Variants in SKA3 observed in about 807,000 individuals in gnomAD.
The protein encoded by SKA3 is spindle and kinetochore associated complex subunit 3.
A neutral mutation model predicts 44.2 loss-of-function variants in SKA3; 39 were observed. The observed-to-expected ratio is 0.88, with a 90% CI of 0.68 to 1.15. The LOEUF (loss-of-function observed/expected upper bound fraction) is 1.15. SKA3 is among the 50% of genes most tolerant of loss of function. The pLI is 0.00. For synonymous variants in SKA3, 192 were observed against 172.0 expected, an observed-to-expected ratio of 1.12 and a Z score of -0.91; for missense variants, 511 against 485.8, an observed-to-expected ratio of 1.05 and a Z score of -0.49.
At position 21,168,404 on chromosome 13, in the gene SKA3, G is replaced by C. The variant is rs757480096; in HGVS notation, c.332-5C>G. 1 of 1,177,942 alleles carries C rather than the reference G, an allele frequency of 8.5e-7. No individual in the cohort carries two copies. 73.0% of individuals were successfully genotyped at this position (1,177,942 alleles called of 1,614,324 possible). ...TAATGGCTTCTTGCTCGTGTACTAG[G>C]AGGAAAAATCAGAATATTCTGGTCA... On this transcript the variant is annotated splice_polypyrimidine_tract_variant and splice_region_variant and intron_variant, in intron 3 of 8. Transcript: ENST00000314759.
intron 7 of SKA3, 98 bp downstream of exon 7, chr13:21,157,824 G>A: frequency 1.4e-6 from 1 of 698,414 alleles, no homozygotes; most frequent in South Asian, 2.7e-5. Flanking sequence ...CTAGCCCAAT[G>A]ATAAATAAGA....
rs1377243938 is a variant in SKA3, at chr13:21,156,220, T to C, written c.1120-409A>G. ...AAAAAAAAAGACATGCTAACTGCAA[T>C]GAAAAGATGGAGATATTAGAAATTT... On this transcript the variant is annotated intron_variant, in intron 7 of 8. Transcript: ENST00000314759. 2.1e-5 allele frequency among the ~76,000 whole-genome samples: 3 copies of C among 146,034 alleles called. No homozygotes were observed. In the East Asian group the frequency reaches 6.0e-4, roughly 29 times the overall value.
chr13:21,163,173 A>C (rs1182861369), intron 4 of SKA3, among the ~76,000 whole-genome samples: 1 of 151,480 alleles, frequency 6.6e-6, no homozygotes, highest in African/African-American at 2.4e-5. Context: ...AAAGAACCAA[A>C]ATATGACAGT....
chr13:21,154,844 ATTACTT>A lies in SKA3; in HGVS notation c.*300_*305del. 4.0e-6 allele frequency: 2 copies of A among 500,982 alleles called. No homozygotes were observed. Among genetic ancestry groups the A allele is most frequent in the Middle Eastern group, 5.3e-4 (1 of 1,898 alleles). The allele number at this position is 500,982 out of a possible 1,614,324, so 31.0% of individuals were successfully genotyped here. A position where few individuals can be genotyped will look rare whatever the true frequency, so the allele number is the denominator to read the frequency against. On this transcript the variant is annotated 3_prime_UTR_variant, in exon 9 of 9. Coordinates refer to ENST00000314759, the MANE Select transcript of SKA3 (RefSeq NM_145061.6). Reference sequence around the variant, plus strand: ...TAGCAAACACCTTTATATTTTTGAAATTACTTGTCCTACTTCCTGGTACTACTTAAA... The same window carrying A: ...TAGCAAACACCTTTATATTTTTGAAAGTCCTACTTCCTGGTACTACTTAAA...
chr13:21,165,790 C>T (rs936816082), intron 4 of SKA3, among the ~76,000 whole-genome samples: 1 of 151,936 alleles, frequency 6.6e-6, no homozygotes, highest in Non-Finnish European at 1.5e-5. Flanking sequence ...GAAAAATTAG[C>T]CAGGCGTGGT....
At position 21,155,824 on chromosome 13, in the gene SKA3, AAG is replaced by A. The variant is rs1555233624; in HGVS notation, c.1120-15_1120-14del. 9.7e-7 allele frequency: 1 copy of A among 1,033,698 alleles called. No homozygotes were observed. Among genetic ancestry groups the A allele is most frequent in the South Asian group, 1.9e-5 (1 of 52,882 alleles). The allele number at this position is 1,033,698 out of a possible 1,614,324, so 64.0% of individuals were successfully genotyped here. ...ATTTTGATAAAAGCTAAAAAAAAAA[AAG>A]GAAATTCCTTTTTATCGAGCCATAT... On this transcript the variant is annotated splice_polypyrimidine_tract_variant and intron_variant, in intron 7 of 8. Transcript: ENST00000314759.
rs1871546554 is a variant in SKA3, at chr13:21,176,518, C to A, written c.-41G>T. 1 of 1,393,378 alleles carries A rather than the reference C, an allele frequency of 7.2e-7. No homozygotes were observed. The highest frequency in any genetic ancestry group is 2.7e-5 in the East Asian group (1 of 36,478). 86.3% of individuals were successfully genotyped at this position (1,393,378 alleles called of 1,614,324 possible). A position where few individuals can be genotyped will look rare whatever the true frequency, so the allele number is the denominator to read the frequency against. On this transcript the variant is annotated 5_prime_UTR_variant, in exon 1 of 9. Transcript: ENST00000314759. ...GAAGGACTCCAGGCGTACGCAGACC[C>A]CACCGCTCAGCTCACAGCCTCCCGC...
intron 6 of SKA3, among the ~76,000 whole-genome samples, chr13:21,159,436 A>G (rs1195753520): frequency 6.6e-6 from 1 of 152,128 alleles, no homozygotes; most frequent in African/African-American, 2.4e-5. Flanking sequence ...GTGTATATAT[A>G]TGTGTGTGTG....
chr13:21,154,027 T>TAATAGAGCACAATGGACAGGTC lies in SKA3; in HGVS notation c.*1101_*1122dup, dbSNP rs1869952331. Reference sequence around the variant, plus strand: ...TTTGGTGACAGTTTTCTGACAAGATTAATAGAGCACAATGGACAGGTCCCC... The same window carrying TAATAGAGCACAATGGACAGGTC: ...TTTGGTGACAGTTTTCTGACAAGATTAATAGAGCACAATGGACAGGTCAATAGAGCACAATGGACAGGTCCCC... On this transcript the variant is annotated 3_prime_UTR_variant, in exon 9 of 9. Coordinates refer to ENST00000314759, the MANE Select transcript of SKA3 (RefSeq NM_145061.6). 1 of 152,230 alleles carries TAATAGAGCACAATGGACAGGTC rather than the reference T, an allele frequency of 6.6e-6. No individual in the cohort carries two copies. Among genetic ancestry groups the TAATAGAGCACAATGGACAGGTC allele is most frequent in the African/African-American group, 2.4e-5 (1 of 41,452 alleles). 9.4% of individuals were successfully genotyped at this position (152,230 alleles called of 1,614,324 possible). A position where few individuals can be genotyped will look rare whatever the true frequency, so the allele number is the denominator to read the frequency against.
At chr13:21,164,786 C>T (rs1262878700) in intron 4 of SKA3, among the ~76,000 whole-genome samples, 2 of 151,876 alleles carry the variant, frequency 1.3e-5, no homozygotes, top group African/African-American at 2.4e-5. Flanking sequence ...AGCTATGTTG[C>T]GCAGGCTGGT....
At position 21,161,844 on chromosome 13, in the gene SKA3, T is replaced by G. The variant is rs1324460093; in HGVS notation, c.775A>C (p.Asn259His). The G allele has an allele frequency of 1.9e-6, 3 of 1,612,794 alleles. No homozygotes were observed. The highest frequency in any genetic ancestry group is 2.5e-6 in the Non-Finnish European group (3 of 1,179,202). The change falls in exon 5 of 9, where the codon AAT becomes CAT. Residue 259 changes from asparagine to histidine, a missense_variant. Physicochemically the swap from Asn to His is moderately conservative, Grantham distance 68. Coordinates refer to ENST00000314759, the MANE Select transcript of SKA3 (RefSeq NM_145061.6). ...EEAIDTESRL[N>H]DNVFATPSPI... ...CTGGGAGTGGCAAAAACATTATCATTGAGCCTGGATTCTGTATCTATGGCC... is the reference window on the plus strand; with the variant it reads ...CTGGGAGTGGCAAAAACATTATCATGGAGCCTGGATTCTGTATCTATGGCC...
intron 1 of SKA3, 61 bp downstream of exon 1, chr13:21,176,309 ACTCGC>A: frequency 3.3e-6 from 4 of 1,225,270 alleles, no homozygotes; most frequent in Non-Finnish European, 3.2e-6. Context: ...CATACCGTCC[ACTCGC>A]CACGCCCCTC....
intron 7 of SKA3, 73 bp downstream of exon 7, chr13:21,157,849 T>A: frequency 2.1e-6 from 2 of 937,636 alleles, no homozygotes; most frequent in African/African-American, 1.7e-5. Context: ...TTATATGCAG[T>A]TTCAGGTCTT....
chr13:21,163,925 G>A (rs1003608457), intron 4 of SKA3, among the ~76,000 whole-genome samples: 49 of 152,056 alleles, frequency 3.2e-4, no homozygotes, highest in African/African-American at 8.7e-4. Context: ...CACCACGCCC[G>A]GCTAATTTGT....
Position 21,172,367 on chromosome 13 carries a change from T to A in SKA3, c.303A>T (p.Gly101=), listed in dbSNP as rs1595306376. Residue 101 remains glycine, a synonymous_variant, in exon 3 of 9, where the codon GGA becomes GGT. Coordinates refer to ENST00000314759, the MANE Select transcript of SKA3 (RefSeq NM_145061.6). ...AATTTTTCTTGACACGTGGACTATA[T>A]CCATACTTCTGGAAATACTCTCTTA... ...MKIREYFQKY[G]YSPRVKKNSV... is the part of the protein sequence containing the mutation. 13 of 1,578,492 alleles carry A rather than the reference T, an allele frequency of 8.2e-6. No individual in the cohort carries two copies. In the East Asian group the frequency reaches 2.7e-4, roughly 33 times the overall value.
chr13:21,158,065 C>T lies in SKA3; in HGVS notation c.976G>A (p.Asp326Asn), dbSNP rs746266876. 1.1e-5 allele frequency: 18 copies of T among 1,612,910 alleles called. No homozygotes were observed. Among genetic ancestry groups the T allele is most frequent in the Non-Finnish European group, 1.4e-5 (16 of 1,179,108 alleles). Residue 326 changes from aspartate (D) to asparagine (N), a missense_variant, in exon 7 of 9, where the codon GAT (aspartate) becomes AAT (asparagine). By Grantham distance (23) the Asp-to-Asn change is conservative. Transcript: ENST00000314759. Reference protein sequence around the residue: ...NSSSNDLEVEDRTSLVLNSDT... With the variant: ...NSSSNDLEVENRTSLVLNSDT... ...GAATTTAAAACCAACGAAGTACGAT[C>T]TTCAACTTCCAAATCATTTGATGAA...
At chr13:21,172,258 G>T in intron 3 of SKA3, 81 bp downstream of exon 3, 1 of 943,776 alleles carries the variant, frequency 1.1e-6, no homozygotes, top group Non-Finnish European at 1.6e-6. Context: ...AAAAACCATA[G>T]CCAAGGCTAC....
At chr13:21,161,928 C>A in intron 4 of SKA3, 53 bp from the exon 5 acceptor site, 1 of 1,199,858 alleles carries the variant, frequency 8.3e-7, no homozygotes, top group South Asian at 1.8e-5. Context: ...CATTCAATCT[C>A]TGGGAAAAAA....
intron 7 of SKA3, among the ~76,000 whole-genome samples, chr13:21,156,185 T>TAA (rs35208915): frequency 0.046 from 5,973 of 128,712 alleles, 337 homozygotes; most frequent in African/African-American, 0.13. Flanking sequence ...AGACTTGGTC[T>TAA]AAAAAAAAAA....
Sources: gnomAD v4.1 joint callset for allele counts (sites outside exome capture counted in the v4.1 genomes callset) on GRCh38, gnomAD v4.1.1 for gene constraint, MANE v1.5 for transcripts, NCBI Gene and HGNC (gene_info 2026-07-23, HGNC 2026-07-21) for gene names.